FAF1: variants seen among roughly 807,000 people sequenced by gnomAD.
FAF1 encodes Fas associated factor 1.
In FAF1, 25 loss-of-function variants were observed where a neutral mutation model predicts 92.5. The observed-to-expected ratio is 0.27, with a 90% confidence interval of 0.20 to 0.38. FAF1 has a LOEUF of 0.38. Among genes scored for constraint, FAF1 ranks in the 10% least tolerant of loss-of-function variants. The pLI, the probability that FAF1 is intolerant of heterozygous loss-of-function variation, is 1.00. For missense variants in FAF1, 636 were observed against 793.3 expected (o/e 0.80, Z 2.38); for synonymous variants, 234 against 273.2 (o/e 0.86, Z 1.42).
intron 7 of FAF1, among the ~76,000 whole-genome samples, chr1:50,684,516 G>C (rs998130322): frequency 3.3e-5 from 5 of 152,080 alleles, no homozygotes; most frequent in African/African-American, 1.2e-4. Context: ...TCATACTCTA[G>C]TGGGGGTTAC....
At chr1:50,683,574 T>C (rs956448817) in intron 7 of FAF1, among the ~76,000 whole-genome samples, 2 of 151,896 alleles carry the variant, frequency 1.3e-5, no homozygotes, top group Non-Finnish European at 2.9e-5. Flanking sequence ...TATATAAATG[T>C]TACTTTTGAT....
intron 6 of FAF1, among the ~76,000 whole-genome samples, chr1:50,719,337 C>T (rs1475476215): frequency 6.6e-6 from 1 of 152,190 alleles, no homozygotes; most frequent in Non-Finnish European, 1.5e-5. Context: ...GTTATCATCA[C>T]CACAAGTTCT....
At chr1:50,836,465 A>T (rs1644206520) in intron 2 of FAF1, among the ~76,000 whole-genome samples, 1 of 152,064 alleles carries the variant, frequency 6.6e-6, no homozygotes, top group Non-Finnish European at 1.5e-5. Context: ...AGGGACAAAA[A>T]TTGGACCAAA....
chr1:50,885,295 T>TCTCTCTC (rs1644649703), intron 1 of FAF1, among the ~76,000 whole-genome samples: 21 of 137,398 alleles, frequency 1.5e-4, no homozygotes, highest in African/African-American at 5.5e-4. Context: ...CCGTGTCTCT[T>TCTCTCTC]TCTCTCTCTC....
At chr1:50,739,653 T>A (rs1218420249) in intron 5 of FAF1, among the ~76,000 whole-genome samples, 1 of 152,112 alleles carries the variant, frequency 6.6e-6, no homozygotes, top group East Asian at 1.9e-4. Context: ...TCAGAGATCA[T>A]TAGACCTTGA....
At chr1:50,910,415 TCAGA>T (rs1479760888) in intron 1 of FAF1, among the ~76,000 whole-genome samples, 1 of 152,228 alleles carries the variant, frequency 6.6e-6, no homozygotes, top group Non-Finnish European at 1.5e-5. Flanking sequence ...TTCAAAGCTG[TCAGA>T]CAGGGAAGTT....
chr1:50,761,392 G>T (rs12097606), intron 4 of FAF1, among the ~76,000 whole-genome samples: 17,823 of 152,034 alleles, frequency 0.12, 1,261 homozygotes, highest in African/African-American at 0.2. Flanking sequence ...CCAAAAAAGA[G>T]AATTTTAGAC....
intron 13 of FAF1, among the ~76,000 whole-genome samples, chr1:50,554,315 G>T (rs1649448357): frequency 6.8e-6 from 1 of 147,674 alleles, no homozygotes; most frequent in African/African-American, 2.5e-5. Flanking sequence ...ATGTGAAATG[G>T]GATCTTGCTA....
At chr1:50,947,276 G>T (rs868637280) in intron 1 of FAF1, among the ~76,000 whole-genome samples, 4 of 152,330 alleles carry the variant, frequency 2.6e-5, no homozygotes, top group Middle Eastern at 3.4e-3. Context: ...AATCATTAAA[G>T]AATCCAGGGA....
At chr1:50,771,979 A>G (rs555559049) in intron 4 of FAF1, among the ~76,000 whole-genome samples, 28 of 152,194 alleles carry the variant, frequency 1.8e-4, no homozygotes, top group African/African-American at 6.8e-4. Flanking sequence ...AAAAATTGAC[A>G]GAAGTAGAGC....
At chr1:50,460,697 G>A (rs111313816) in intron 18 of FAF1, among the ~76,000 whole-genome samples, 1,876 of 151,122 alleles carry the variant, frequency 0.012, 40 homozygotes, top group African/African-American at 0.042. Flanking sequence ...GTAGTGGTGC[G>A]ATCACAGCTT....
At chr1:50,919,384 A>G (rs1644944785) in intron 1 of FAF1, among the ~76,000 whole-genome samples, 1 of 152,186 alleles carries the variant, frequency 6.6e-6, no homozygotes, top group Non-Finnish European at 1.5e-5. Flanking sequence ...TCTTTAAAAA[A>G]CAATTCTAAG....
intron 4 of FAF1, among the ~76,000 whole-genome samples, chr1:50,748,625 A>G (rs866707230): frequency 3.9e-5 from 6 of 152,348 alleles, no homozygotes; most frequent in Middle Eastern, 3.4e-3. Flanking sequence ...TCAGGAATCA[A>G]ATCTACTTAT....
At chr1:50,741,046 C>A (rs1410209275) in intron 5 of FAF1, among the ~76,000 whole-genome samples, 1 of 152,100 alleles carries the variant, frequency 6.6e-6, no homozygotes, top group Non-Finnish European at 1.5e-5. Flanking sequence ...TGCATTCATC[C>A]CATAAACATT....
rs1040465086 is a variant in FAF1 at position 50,576,634 on chromosome 1, C to A, written c.1113+5984G>T. On this transcript the variant is annotated intron_variant, in intron 12 of 18. Transcript: ENST00000396153. Reference sequence around the variant, plus strand: ...AAAAAAAAGACTCATCTCCGCACCGCCCCCCCCCCGCCACCACCCCTGCAC... The same window carrying A: ...AAAAAAAAGACTCATCTCCGCACCGACCCCCCCCCGCCACCACCCCTGCAC... Among the ~76,000 whole-genome samples, 18 of 49,438 alleles carry A rather than the reference C, an allele frequency of 3.6e-4. No individual in the cohort carries two copies. The African/African-American group carries it at 3.9e-3, about 11-fold the overall frequency. 32.4% of individuals were successfully genotyped at this position (49,438 alleles called of 152,430 possible).
chr1:50,738,778 T>C (rs1659241540), intron 6 of FAF1, 85 bp downstream of exon 6: 1 of 834,900 alleles, frequency 1.2e-6, no homozygotes, highest in Non-Finnish European at 2.0e-6. Context: ...GTATTTGATT[T>C]AATTTTGAGG....
chr1:50,527,868 CCTCTCT>C (rs1332650562), intron 15 of FAF1, among the ~76,000 whole-genome samples: 2 of 57,198 alleles, frequency 3.5e-5, no homozygotes, highest in South Asian at 4.7e-4. Context: ...TCCCTCTCTC[CCTCTCT>C]CTCTCTCTCT....
chr1:50,520,164 C>T (rs1647426173), intron 15 of FAF1, among the ~76,000 whole-genome samples: 1 of 152,156 alleles, frequency 6.6e-6, no homozygotes. Flanking sequence ...CCGTATCATA[C>T]TTATTGCCAT....
intron 4 of FAF1, among the ~76,000 whole-genome samples, chr1:50,746,253 T>C (rs1329613015): frequency 5.0e-5 from 1 of 19,870 alleles, no homozygotes; most frequent in African/African-American, 2.5e-4. Context: ...CGAACATATA[T>C]ATATATATAT....
Sources: allele counts gnomAD v4.1 joint callset (sites outside exome capture counted in the v4.1 genomes callset), GRCh38; gene constraint gnomAD v4.1.1; transcripts MANE v1.5; gene names NCBI Gene and HGNC (gene_info 2026-07-23, HGNC 2026-07-21).